The following DCHS2 variants were observed in gnomAD, a reference collection of about 807,000 sequenced individuals.
DCHS2 encodes protocadherin-23.
A neutral mutation model predicts 182.4 loss-of-function variants in DCHS2; 142 were observed. That is an observed-to-expected ratio of 0.78 (90% CI 0.68 to 0.89). The LOEUF is 0.89. DCHS2 is among the 40% of genes least tolerant of loss of function. DCHS2 has a pLI of 0.00. For missense variants in DCHS2, 4,319 were observed against 4,198.6 expected (o/e 1.03, Z -0.79); for synonymous variants, 1,740 against 1,663.3 (o/e 1.05, Z -1.12).
intron 5 of DCHS2, among the ~76,000 whole-genome samples, chr4:154,330,719 C>T (rs558390394): frequency 3.3e-5 from 5 of 151,942 alleles, no homozygotes; most frequent in Non-Finnish European, 7.4e-5. Context: ...TGAAAATTCT[C>T]ATTTAGGTAA....
intron 1 of DCHS2, among the ~76,000 whole-genome samples, chr4:154,458,669 A>T (rs1185462141): frequency 6.6e-6 from 1 of 152,218 alleles, no homozygotes; most frequent in South Asian, 2.1e-4. Flanking sequence ...TCCATGTTAC[A>T]ATCCAAATAT....
intron 1 of DCHS2, among the ~76,000 whole-genome samples, chr4:154,463,687 C>T (rs1560774331): frequency 1.9e-5 from 2 of 106,346 alleles, no homozygotes; most frequent in Non-Finnish European, 4.1e-5. Flanking sequence ...AAGCTATTCT[C>T]TCTTTTCTCT....
intron 16 of DCHS2, among the ~76,000 whole-genome samples, chr4:154,254,603 A>G (rs192611453): frequency 4.6e-5 from 7 of 152,272 alleles, no homozygotes; most frequent in African/African-American, 1.7e-4. Context: ...TTGGGAGGCC[A>G]AGGCAGGTGG....
At chr4:154,375,054 AG>A (rs1488341822) in intron 2 of DCHS2, among the ~76,000 whole-genome samples, 2 of 152,178 alleles carry the variant, frequency 1.3e-5, no homozygotes, top group South Asian at 2.1e-4. Context: ...AAGCTAAAAT[AG>A]TTAAGAGAGA....
rs1219248509 is a variant in DCHS2, at chr4:154,320,742, G to A, written c.4657C>T (p.His1553Tyr). The part of the protein sequence containing the change: ...NSRIQYYIES[H>Y]NPGTNPFLIH... The stretch of plus-strand genomic sequence containing the variant: ...AGAAATGGATTCGTGCCAGGGTTGT[G>A]GGATTCAATGTAGTATTGTATTCTA... Residue 1553 changes from histidine to tyrosine, a missense_variant, in exon 9 of 20, where the codon CAC becomes TAC. By Grantham distance (83) the His-to-Tyr change is moderately conservative (BLOSUM62 2). Transcript: ENST00000357232. 6 of 1,613,958 alleles carry A rather than the reference G, an allele frequency of 3.7e-6. No homozygotes were observed. Among genetic ancestry groups the A allele is most frequent in the Non-Finnish European group, 5.1e-6 (6 of 1,180,010 alleles).
intron 1 of DCHS2, among the ~76,000 whole-genome samples, chr4:154,457,813 G>C (rs1734834092): frequency 6.6e-6 from 1 of 152,074 alleles, no homozygotes; most frequent in African/African-American, 2.4e-5. Context: ...CAGTACACCT[G>C]GGGGGAGCAC....
At chr4:154,256,985 T>TA (rs1345940251) in intron 15 of DCHS2, among the ~76,000 whole-genome samples, 1 of 152,122 alleles carries the variant, frequency 6.6e-6, no homozygotes, top group Non-Finnish European at 1.5e-5. Context: ...GCCATACATT[T>TA]AAAAGTGCTA....
At chr4:154,432,296 A>G (rs1225643906) in intron 1 of DCHS2, among the ~76,000 whole-genome samples, 3 of 152,244 alleles carry the variant, frequency 2.0e-5, no homozygotes, top group Non-Finnish European at 4.4e-5. Flanking sequence ...ATAATGCTAA[A>G]GACTCTCAGC....
chr4:154,237,901 T>C (rs1280349554), intron 19 of DCHS2, among the ~76,000 whole-genome samples: 1 of 152,200 alleles, frequency 6.6e-6, no homozygotes, highest in Non-Finnish European at 1.5e-5. Flanking sequence ...ATCAATAGCT[T>C]AGTGCGTTTA....
At chr4:154,238,985 G>A (rs936570831) in intron 19 of DCHS2, among the ~76,000 whole-genome samples, 185 bp downstream of exon 19, 1 of 151,972 alleles carries the variant, frequency 6.6e-6, no homozygotes, top group Admixed American at 6.6e-5. Flanking sequence ...TGTTGGAGAA[G>A]AGAAATAACA....
intron 3 of DCHS2, among the ~76,000 whole-genome samples, chr4:154,342,214 T>TAAA (rs33949750): frequency 7.3e-5 from 11 of 150,722 alleles, no homozygotes; most frequent in Non-Finnish European, 1.3e-4. Flanking sequence ...ATTTTATTGG[T>TAAA]AAAAAAAAAA....
At chr4:154,342,099 A>G (rs1280370325) in intron 3 of DCHS2, among the ~76,000 whole-genome samples, 1 of 152,026 alleles carries the variant, frequency 6.6e-6, no homozygotes, top group Non-Finnish European at 1.5e-5. Flanking sequence ...AAATTTTTTG[A>G]TTTTCCAGTG....
At chr4:154,463,141 A>T (rs1382627402) in intron 1 of DCHS2, among the ~76,000 whole-genome samples, 2 of 124,686 alleles carry the variant, frequency 1.6e-5, no homozygotes, top group African/African-American at 5.6e-5. Flanking sequence ...ATACATACTT[A>T]TGTGTATATA....
chr4:154,306,919 C>T (rs529279590), intron 10 of DCHS2, among the ~76,000 whole-genome samples: 1 of 152,254 alleles, frequency 6.6e-6, no homozygotes, highest in Admixed American at 6.5e-5. Flanking sequence ...CTCAATATTT[C>T]TCTGACTTTT....
chr4:154,441,970 T>C (rs989491705), intron 1 of DCHS2, among the ~76,000 whole-genome samples: 2 of 151,984 alleles, frequency 1.3e-5, no homozygotes, highest in Admixed American at 1.3e-4. Flanking sequence ...TCAATAACCA[T>C]TGGGTAAGTC....
intron 1 of DCHS2, among the ~76,000 whole-genome samples, chr4:154,395,471 C>G (rs1159351640): frequency 6.6e-6 from 1 of 152,144 alleles, no homozygotes; most frequent in Non-Finnish European, 1.5e-5. Context: ...TCCCACTGAT[C>G]CTCCTATCTC....
chr4:154,308,215 C>A (rs1735526977), intron 10 of DCHS2, among the ~76,000 whole-genome samples: 2 of 150,730 alleles, frequency 1.3e-5, no homozygotes, highest in South Asian at 2.1e-4. Context: ...TCTTACCTAA[C>A]TTGTCTTCTC....
chr4:154,318,624 G>A (rs1451502936), intron 9 of DCHS2, among the ~76,000 whole-genome samples: 1 of 151,916 alleles, frequency 6.6e-6, no homozygotes, highest in Non-Finnish European at 1.5e-5. Flanking sequence ...AGGAATAAAA[G>A]AAAACAGGGA....
intron 9 of DCHS2, among the ~76,000 whole-genome samples, chr4:154,317,073 G>A (rs1735886045): frequency 6.6e-6 from 1 of 152,060 alleles, no homozygotes; most frequent in Admixed American, 6.6e-5. Flanking sequence ...ATATTTCACA[G>A]CCATAGCCAC....
Sources: allele counts gnomAD v4.1 joint callset (sites outside exome capture counted in the v4.1 genomes callset), GRCh38; gene constraint gnomAD v4.1.1; transcripts MANE v1.5; gene names NCBI Gene and HGNC (gene_info 2026-07-23, HGNC 2026-07-21).